Variants in PLCB4 observed in about 807,000 individuals in gnomAD.
The protein encoded by PLCB4 is phospholipase C beta 4.
PLCB4 carries 77 observed loss-of-function variants against 178.8 expected under a neutral mutation model. That is an observed-to-expected ratio of 0.43 (90% CI 0.36 to 0.52). The LOEUF (loss-of-function observed/expected upper bound fraction) is 0.52. PLCB4 is among the 20% of genes least tolerant of loss of function. The pLI is 0.00. For missense variants in PLCB4, 1,024 were observed against 1,453.4 expected (o/e 0.70, Z 4.80); for synonymous variants, 496 against 490.8 (o/e 1.01, Z -0.14).
intron 35 of PLCB4, among the ~76,000 whole-genome samples, chr20:9,463,290 C>T (rs1029907841): frequency 8.5e-5 from 13 of 152,056 alleles, no homozygotes; most frequent in Admixed American, 5.2e-4. Flanking sequence ...AAGAAACAAC[C>T]GGTACCAGCC....
Position 9,423,750 on chromosome 20 carries a change from G to T in PLCB4, c.2322G>T (p.Val774=), listed in dbSNP as rs1018917845. The part of the protein sequence containing the change: ...YNEESFVFRK[V]ILPDLAVLRI... Reference sequence around the variant, plus strand: ...TGAAAGTCCTGTTCTGTTTGCAGGTGATCCTGCCGGACCTGGCTGTCTTGA... The same window carrying T: ...TGAAAGTCCTGTTCTGTTTGCAGGTTATCCTGCCGGACCTGGCTGTCTTGA... The change falls in exon 28 of 40, where the codon GTG becomes GTT. Residue 774 remains valine (V), a splice_region_variant and synonymous_variant. Coordinates refer to ENST00000378473, the MANE Select transcript of PLCB4 (RefSeq NM_001377142.1). 6.2e-7 allele frequency: 1 copy of T among 1,613,044 alleles called. No homozygotes were observed.
chr20:9,249,438 G>C (rs946538366), intron 3 of PLCB4, among the ~76,000 whole-genome samples: 1 of 152,180 alleles, frequency 6.6e-6, no homozygotes, highest in East Asian at 1.9e-4. Flanking sequence ...CTCCCAAGTA[G>C]CTGGGACATC....
chr20:9,281,367 C>T (rs927047239), intron 3 of PLCB4, among the ~76,000 whole-genome samples: 2 of 151,836 alleles, frequency 1.3e-5, no homozygotes, highest in South Asian at 2.1e-4. Context: ...TGTTAATTAG[C>T]AAGTGATATT....
chr20:9,351,971 A>C (rs1438629713), intron 7 of PLCB4, among the ~76,000 whole-genome samples: 1 of 152,222 alleles, frequency 6.6e-6, no homozygotes, highest in Non-Finnish European at 1.5e-5. Context: ...TACTCATCCC[A>C]TACCAACAGA....
chr20:9,211,310 A>G (rs553504822), intron 2 of PLCB4, among the ~76,000 whole-genome samples: 6 of 152,278 alleles, frequency 3.9e-5, no homozygotes, highest in South Asian at 2.1e-4. Flanking sequence ...TAGCTGGTCA[A>G]TGATGGTGCT....
intron 2 of PLCB4, among the ~76,000 whole-genome samples, chr20:9,142,377 C>T (rs150964710): frequency 0.018 from 2,703 of 152,136 alleles, 43 homozygotes; most frequent in Middle Eastern, 0.031. Context: ...ATGGTCACGC[C>T]AAGGTTGTGT....
intron 7 of PLCB4, among the ~76,000 whole-genome samples, chr20:9,362,622 T>G (rs906954097): frequency 2.6e-5 from 4 of 152,220 alleles, no homozygotes; most frequent in African/African-American, 9.6e-5. Flanking sequence ...AATAGAAAGC[T>G]TCACAAGTCA....
At chr20:9,101,827 T>A (rs756142615) in intron 2 of PLCB4, among the ~76,000 whole-genome samples, 3 of 151,780 alleles carry the variant, frequency 2.0e-5, no homozygotes, top group Non-Finnish European at 2.9e-5. Flanking sequence ...AAAAACAATT[T>A]GCCAGTTTTG....
At chr20:9,203,056 A>AAT (rs55690764) in intron 2 of PLCB4, among the ~76,000 whole-genome samples, 6,438 of 125,878 alleles carry the variant, frequency 0.051, 243 homozygotes, top group African/African-American at 0.092. Flanking sequence ...AAAAAAAAAA[A>AAT]ATATATATAT....
chr20:9,272,711 A>C (rs988377017), intron 3 of PLCB4, among the ~76,000 whole-genome samples: 8 of 152,068 alleles, frequency 5.3e-5, no homozygotes, highest in Non-Finnish European at 1.0e-4. Flanking sequence ...TCTGCTCCCC[A>C]GGGTGGGGAC....
intron 4 of PLCB4, among the ~76,000 whole-genome samples, chr20:9,312,908 A>G (rs1405243661): frequency 6.6e-6 from 1 of 152,214 alleles, no homozygotes; most frequent in Non-Finnish European, 1.5e-5. Context: ...AGTCATCTAC[A>G]TCATTATAGA....
chr20:9,228,641 A>C (rs1048816636), intron 3 of PLCB4, among the ~76,000 whole-genome samples: 10 of 152,180 alleles, frequency 6.6e-5, no homozygotes, highest in Non-Finnish European at 1.0e-4. Flanking sequence ...TCAAAATACA[A>C]TTAGAAGTAG....
At position 9,156,817 on chromosome 20, in the gene PLCB4, T is replaced by TTGCC. The variant is rs1322647768; in HGVS notation, c.-79+60477_-79+60480dup. Reference sequence around the variant, plus strand: ...ATTTTCCTTCATGTTGGTTACAGGGTTGCCTCCCTCCCTCCCTCCCTCCCT... The same window carrying TTGCC: ...ATTTTCCTTCATGTTGGTTACAGGGTTGCCTGCCTCCCTCCCTCCCTCCCTCCCT... On this transcript the variant is annotated intron_variant, in intron 2 of 39. Transcript: ENST00000378473. Among the ~76,000 whole-genome samples the TTGCC allele has an allele frequency of 3.8e-3, 178 of 46,934 alleles. 1 individual carries two copies. The highest frequency in any genetic ancestry group is 5.3e-3 in the Non-Finnish European group (144 of 27,096). The allele number at this position is 46,934 out of a possible 152,430, so 30.8% of individuals were successfully genotyped here. A position where few individuals can be genotyped will look rare whatever the true frequency, so the allele number is the denominator to read the frequency against.
intron 3 of PLCB4, among the ~76,000 whole-genome samples, chr20:9,297,976 G>A (rs2094658476): frequency 6.6e-6 from 1 of 152,028 alleles, no homozygotes; most frequent in South Asian, 2.1e-4. Flanking sequence ...TAAATTGCCA[G>A]GGCTCAGAAC....
At chr20:9,431,924 T>A (rs2041443981) in intron 28 of PLCB4, among the ~76,000 whole-genome samples, 2 of 152,204 alleles carry the variant, frequency 1.3e-5, no homozygotes, top group Admixed American at 1.3e-4. Flanking sequence ...TTATATAAAG[T>A]GCTATATTAT....
chr20:9,234,762 A>G (rs1421963072), intron 3 of PLCB4, among the ~76,000 whole-genome samples: 1 of 152,128 alleles, frequency 6.6e-6, no homozygotes. Flanking sequence ...GGGTAATTTT[A>G]TCATTGAGAA....
At chr20:9,270,186 AT>A (rs2094388943) in intron 3 of PLCB4, among the ~76,000 whole-genome samples, 1 of 152,134 alleles carries the variant, frequency 6.6e-6, no homozygotes, top group Admixed American at 6.6e-5. Flanking sequence ...TTTTCTTTTT[AT>A]TTATTTTAAA....
At chr20:9,233,033 G>A (rs1039210307) in intron 3 of PLCB4, among the ~76,000 whole-genome samples, 6 of 152,104 alleles carry the variant, frequency 3.9e-5, no homozygotes, top group Admixed American at 2.0e-4. Context: ...GCTAGAGACA[G>A]TGATTTATAT....
intron 2 of PLCB4, among the ~76,000 whole-genome samples, chr20:9,105,433 C>T (rs79697698): frequency 0.019 from 2,916 of 152,130 alleles, 72 homozygotes; most frequent in African/African-American, 0.04. Flanking sequence ...GAAGTGTACA[C>T]TCAGTACAAT....
Sources: allele counts gnomAD v4.1 joint callset (sites outside exome capture counted in the v4.1 genomes callset), GRCh38; gene constraint gnomAD v4.1.1; transcripts MANE v1.5; gene names NCBI Gene and HGNC (gene_info 2026-07-23, HGNC 2026-07-21).